Variants in UQCRC2 observed in about 807,000 individuals in gnomAD.
UQCRC2 encodes ubiquinol-cytochrome c reductase core protein 2.
UQCRC2 carries 49 observed loss-of-function variants against 55.6 expected under a neutral mutation model. The ratio of observed to expected loss-of-function variants is 0.88; its 90% CI spans 0.70 to 1.12. The LOEUF (loss-of-function observed/expected upper bound fraction) is 1.12, where lower values mean the gene tolerates loss of function less well. Ranked by LOEUF, UQCRC2 falls within the 50% of genes most tolerant of loss-of-function variation. The pLI is 0.00. For synonymous variants in UQCRC2, 193 were observed against 192.0 expected, an observed-to-expected ratio of 1.01 and a Z score of -0.04; for missense variants, 506 against 547.8, an observed-to-expected ratio of 0.92 and a Z score of 0.76.
In UQCRC2 at chr16:21,983,119, C is replaced by T; in HGVS notation, c.1310C>T (p.Ser437Leu). ...AAKKFVSGQK[S>L]MAASGNLGHT... Reference sequence around the variant, plus strand: ...AAGAAGTTTGTTTCTGGCCAGAAGTCAATGGCAGCAAGTGGAAATTTGGGA... The same window carrying T: ...AAGAAGTTTGTTTCTGGCCAGAAGTTAATGGCAGCAAGTGGAAATTTGGGA... Residue 437 changes from serine (S) to leucine (L), a missense_variant, in exon 14 of 14, where the codon TCA (serine) becomes TTA (leucine). Transcript: ENST00000268379. The T allele has an allele frequency of 6.2e-7, 1 of 1,614,032 alleles. No individual in the cohort carries two copies. Among genetic ancestry groups the T allele is most frequent in the Non-Finnish European group, 8.5e-7 (1 of 1,180,012 alleles).
intron 11 of UQCRC2, 72 bp downstream of exon 11, chr16:21,974,048 G>A: frequency 2.2e-6 from 3 of 1,383,398 alleles, no homozygotes. Context: ...CATGTTTTCG[G>A]TTAAAATATG....
In UQCRC2 at chr16:21,983,356, CT is replaced by C; in HGVS notation, c.*187del. ...TAAAACATTCTGTTTAAGTGTTTTT[CT>C]TACGTTTTTCTCAATGAGTTAATCA... On this transcript the variant is annotated 3_prime_UTR_variant, in exon 14 of 14. Transcript: ENST00000268379. 1.9e-6 allele frequency: 1 copy of C among 538,584 alleles called. No individual in the cohort carries two copies. The highest frequency in any genetic ancestry group is 3.2e-6 in the Non-Finnish European group (1 of 311,412). 33.4% of individuals were successfully genotyped at this position (538,584 alleles called of 1,614,324 possible). A position where few individuals can be genotyped will look rare whatever the true frequency, so the allele number is the denominator to read the frequency against.
intron 8 of UQCRC2, among the ~76,000 whole-genome samples, chr16:21,970,667 C>T (rs1898437239): frequency 6.6e-6 from 1 of 152,098 alleles, no homozygotes. Flanking sequence ...CTCACTGCAA[C>T]CTCCACTTCC....
intron 10 of UQCRC2, among the ~76,000 whole-genome samples, chr16:21,973,220 A>T (rs959273921): frequency 6.6e-6 from 1 of 152,226 alleles, no homozygotes; most frequent in Non-Finnish European, 1.5e-5. Context: ...ACTTGTTAAA[A>T]ATCTGGGCTT....
intron 4 of UQCRC2, chr16:21,959,283 T>A (rs1483332181): frequency 5.4e-6 from 1 of 186,022 alleles, no homozygotes; most frequent in Admixed American, 5.9e-5. Context: ...ATCTCAAACC[T>A]TACCACTTTT....
intron 10 of UQCRC2, among the ~76,000 whole-genome samples, chr16:21,972,476 G>C (rs780412229): frequency 1.8e-4 from 28 of 152,120 alleles, no homozygotes; most frequent in Non-Finnish European, 3.7e-4. Flanking sequence ...CTGTTCTTTT[G>C]GTTACTTCCT....
At chr16:21,973,608 T>C (rs1186981431) in intron 10 of UQCRC2, among the ~76,000 whole-genome samples, 1 of 152,202 alleles carries the variant, frequency 6.6e-6, no homozygotes, top group Non-Finnish European at 1.5e-5. Flanking sequence ...TGCAGATTAG[T>C]GTTTGCATAA....
In UQCRC2 at chr16:21,963,929, T is replaced by C. The variant is rs547508119; in HGVS notation, c.514+1044T>C. 4.6e-5 allele frequency among the ~76,000 whole-genome samples: 7 copies of C among 152,362 alleles called. 1 individual carries two copies. In the South Asian group the frequency reaches 1.5e-3, roughly 32 times the overall value. ...ACTTAATTTTTTTAATAGGAATCTT[T>C]TTTGCATTCATATTTTATGTTTATA... On this transcript the variant is annotated intron_variant, in intron 6 of 13. Transcript: ENST00000268379.
intron 4 of UQCRC2, among the ~76,000 whole-genome samples, chr16:21,960,538 A>T (rs1341690558): frequency 6.6e-6 from 1 of 152,194 alleles, no homozygotes; most frequent in Non-Finnish European, 1.5e-5. Flanking sequence ...TAGCACTATT[A>T]GTTTTCTTCA....
At chr16:21,977,681 A>G (rs1421575210) in intron 12 of UQCRC2, among the ~76,000 whole-genome samples, 1 of 152,204 alleles carries the variant, frequency 6.6e-6, no homozygotes, top group Non-Finnish European at 1.5e-5. Context: ...CGCTTAAGAC[A>G]TTTAAGTTTG....
chr16:21,981,087 C>T (rs1898714881), intron 13 of UQCRC2, among the ~76,000 whole-genome samples: 1 of 152,182 alleles, frequency 6.6e-6, no homozygotes, highest in Non-Finnish European at 1.5e-5. Flanking sequence ...TTAGCAGTTT[C>T]ATATGATCCA....
chr16:21,960,757 C>G (rs1411215183), intron 4 of UQCRC2, among the ~76,000 whole-genome samples: 1 of 152,024 alleles, frequency 6.6e-6, no homozygotes, highest in Admixed American at 6.6e-5. Context: ...GTAGGAATAT[C>G]CAAAGAGAGG....
chr16:21,963,801 C>T (rs1898259705), intron 6 of UQCRC2, among the ~76,000 whole-genome samples: 2 of 151,994 alleles, frequency 1.3e-5, no homozygotes, highest in Non-Finnish European at 1.5e-5. Context: ...TTTGCTTACC[C>T]CAAATCCTAC....
In UQCRC2 at chr16:21,957,564, C is replaced by G. The variant is rs1390774035; in HGVS notation, c.265C>G (p.Leu89Val). The change falls in exon 3 of 14, where the codon CTG (leucine) becomes GTG (valine). Residue 89 changes from leucine (L) to valine (V), a missense_variant and splice_region_variant. Leu to Val is a conservative substitution (Grantham distance 32). Coordinates refer to ENST00000268379, the MANE Select transcript of UQCRC2 (RefSeq NM_003366.4). ...CCATTTGCTGCGTCTTACATCCAGTCTGGTGAGTATCTTCACTTCCTCAAG... is the reference window on the plus strand; with the variant it reads ...CCATTTGCTGCGTCTTACATCCAGTGTGGTGAGTATCTTCACTTCCTCAAG... Reference protein sequence around the residue: ...TTHLLRLTSSLTTKGASSFKI... With the variant: ...TTHLLRLTSSVTTKGASSFKI... 1.9e-6 allele frequency: 3 copies of G among 1,613,960 alleles called. No individual in the cohort carries two copies. The highest frequency in any genetic ancestry group is 2.5e-6 in the Non-Finnish European group (3 of 1,179,966).
At position 21,962,758 on chromosome 16, in the gene UQCRC2, TA is replaced by T; in HGVS notation, c.390-2del. ...ATAATTCTTATCTCGATGTCTTCTG[TA>T]GTGATATTCTAATGGAGTTCCTGCT... On this transcript the variant is annotated splice_acceptor_variant, in intron 5 of 13. Coordinates refer to ENST00000268379, the MANE Select transcript of UQCRC2 (RefSeq NM_003366.4). LOFTEE classifies it high-confidence loss of function. The T allele has an allele frequency of 6.2e-7, 1 of 1,614,148 alleles. No individual in the cohort carries two copies. The highest frequency in any genetic ancestry group is 8.5e-7 in the Non-Finnish European group (1 of 1,180,036).
At position 21,964,998 on chromosome 16, in the gene UQCRC2, T is replaced by A. The variant is rs543799240; in HGVS notation, c.515-410T>A. On this transcript the variant is annotated intron_variant, in intron 6 of 13. Coordinates refer to ENST00000268379, the MANE Select transcript of UQCRC2 (RefSeq NM_003366.4). ...CCCTGAAAGCTACCTGACAATCTCCTTATTACCTAGAGAGGAAACCTAGGA... is the reference window on the plus strand; with the variant it reads ...CCCTGAAAGCTACCTGACAATCTCCATATTACCTAGAGAGGAAACCTAGGA... 9.2e-5 allele frequency among the ~76,000 whole-genome samples: 14 copies of A among 152,302 alleles called. No individual in the cohort carries two copies. In the South Asian group the frequency reaches 2.7e-3, roughly 29 times the overall value.
chr16:21,963,886 G>T (rs1597955542), intron 6 of UQCRC2, among the ~76,000 whole-genome samples: 1 of 152,086 alleles, frequency 6.6e-6, no homozygotes, highest in East Asian at 1.9e-4. Flanking sequence ...TCTTTATTGA[G>T]TCTTTCCAAA....
intron 8 of UQCRC2, among the ~76,000 whole-genome samples, chr16:21,970,109 T>A (rs1389097864): frequency 5.3e-5 from 8 of 152,170 alleles, no homozygotes; most frequent in Non-Finnish European, 1.0e-4. Flanking sequence ...AGCATAATGT[T>A]TTCAAGGTCC....
In UQCRC2 at chr16:21,953,471, C is replaced by T. The variant is rs1157384758; in HGVS notation, c.33+15C>T. On this transcript the variant is annotated intron_variant, in intron 1 of 13. Transcript: ENST00000268379. Reference sequence around the variant, plus strand: ...GCTCTTTCTCGGTGAGCTCAGGTGGCGGGTTTGGGAAAGGGCTGGGGAGCA... The same window carrying T: ...GCTCTTTCTCGGTGAGCTCAGGTGGTGGGTTTGGGAAAGGGCTGGGGAGCA... 8 of 1,611,392 alleles carry T rather than the reference C, an allele frequency of 5.0e-6. No homozygotes were observed. The highest frequency in any genetic ancestry group is 6.8e-6 in the Non-Finnish European group (8 of 1,178,894).
Sources: allele counts gnomAD v4.1 joint callset (sites outside exome capture counted in the v4.1 genomes callset), GRCh38; gene constraint gnomAD v4.1.1; transcripts MANE v1.5; gene names NCBI Gene and HGNC (gene_info 2026-07-23, HGNC 2026-07-21).